EIF2B3: variants seen among roughly 807,000 people sequenced by gnomAD.
EIF2B3 encodes eukaryotic translation initiation factor 2B subunit gamma, also known as translation initiation factor eIF2B subunit gamma.
EIF2B3 carries 20 observed loss-of-function variants against 54.1 expected under a neutral mutation model. That is an observed-to-expected ratio of 0.37 (90% CI 0.26 to 0.54). The LOEUF is 0.54. Ranked by LOEUF, EIF2B3 falls within the 20% of genes least tolerant of loss-of-function variation. The pLI is 0.86. For missense variants in EIF2B3, 448 were observed against 547.8 expected, an observed-to-expected ratio of 0.82 and a Z score of 1.82; for synonymous variants, 153 against 188.1, an observed-to-expected ratio of 0.81 and a Z score of 1.52.
intron 3 of EIF2B3, among the ~76,000 whole-genome samples, chr1:44,947,134 T>C (rs1315467112): frequency 6.6e-6 from 1 of 152,152 alleles, no homozygotes; most frequent in Non-Finnish European, 1.5e-5. Context: ...ATTCCAACAG[T>C]CATTGGTATG....
chr1:44,944,785 C>A (rs1644079160), intron 3 of EIF2B3, among the ~76,000 whole-genome samples: 2 of 152,166 alleles, frequency 1.3e-5, no homozygotes, highest in South Asian at 4.1e-4. Flanking sequence ...GCTACAATTA[C>A]TCCACTGGAT....
chr1:44,937,038 A>G (rs888963388), intron 4 of EIF2B3, among the ~76,000 whole-genome samples: 3 of 152,202 alleles, frequency 2.0e-5, no homozygotes, highest in African/African-American at 4.8e-5. Context: ...GCTCTTAACA[A>G]TCATGGTGCA....
At chr1:44,981,317 T>G in intron 1 of EIF2B3, 140 bp from the exon 2 acceptor site, 2 of 864,118 alleles carry the variant, frequency 2.3e-6, no homozygotes, top group Non-Finnish European at 3.8e-6. Context: ...GCAATCACAG[T>G]AAGAAAAGCT....
chr1:44,858,019 C>T (rs999584277), intron 10 of EIF2B3, among the ~76,000 whole-genome samples: 4 of 150,932 alleles, frequency 2.7e-5, no homozygotes, highest in African/African-American at 7.3e-5. Context: ...ATGCTCATAA[C>T]GATCTTTCTC....
At chr1:44,957,176 A>C (rs1225863002) in intron 3 of EIF2B3, among the ~76,000 whole-genome samples, 2 of 152,122 alleles carry the variant, frequency 1.3e-5, no homozygotes, top group Non-Finnish European at 2.9e-5. Flanking sequence ...TGAGGTAGGA[A>C]GATCACCTGA....
At chr1:44,957,220 C>T (rs1009658002) in intron 3 of EIF2B3, among the ~76,000 whole-genome samples, 50 of 152,108 alleles carry the variant, frequency 3.3e-4, no homozygotes, top group Non-Finnish European at 5.1e-4. Context: ...AAGGCGAGAT[C>T]GTGCCATGGC....
intron 5 of EIF2B3, among the ~76,000 whole-genome samples, chr1:44,902,850 A>AG (rs1354620369): frequency 6.7e-6 from 1 of 150,360 alleles, no homozygotes; most frequent in Non-Finnish European, 1.5e-5. Flanking sequence ...AAAAAAAAAA[A>AG]AAAAAAGAAA....
chr1:44,942,217 C>T (rs1644031476), intron 3 of EIF2B3, among the ~76,000 whole-genome samples: 1 of 150,532 alleles, frequency 6.6e-6, no homozygotes, highest in South Asian at 2.1e-4. Context: ...GACAGAAAGG[C>T]ATTGTTATTA....
At chr1:44,920,191 A>C (rs1467929304) in intron 5 of EIF2B3, among the ~76,000 whole-genome samples, 1 of 151,604 alleles carries the variant, frequency 6.6e-6, no homozygotes, top group Admixed American at 6.6e-5. Flanking sequence ...GTTTATGCTA[A>C]GGTTTTGGTG....
At chr1:44,959,330 C>G in intron 3 of EIF2B3, 1 of 606,920 alleles carries the variant, frequency 1.6e-6, no homozygotes, top group Non-Finnish European at 3.0e-6. Flanking sequence ...TTTGCCTCTC[C>G]TCTCTGAGTG....
At position 44,945,731 on chromosome 1, in the gene EIF2B3, CA is replaced by C. The variant is rs1644094935; in HGVS notation, c.295-4067del. On this transcript the variant is annotated intron_variant, in intron 3 of 11. Coordinates refer to ENST00000360403, the MANE Select transcript of EIF2B3 (RefSeq NM_020365.5). The stretch of plus-strand genomic sequence containing the variant: ...TGCTTAGAAAGACAAGGAGACAAAT[CA>C]TTACTAAAGACATTCACAGAGTTGT... 1.1e-4 allele frequency among the ~76,000 whole-genome samples: 16 copies of C among 152,244 alleles called. No individual in the cohort carries two copies. The South Asian group carries it at 3.3e-3, about 32-fold the overall frequency.
At chr1:44,984,836 G>T in intron 1 of EIF2B3, among the ~76,000 whole-genome samples, 1 of 90,344 alleles carries the variant, frequency 1.1e-5, no homozygotes, top group Admixed American at 1.5e-4. Context: ...GTCTCGCTCT[G>T]TCGCCCAGGC....
intron 3 of EIF2B3, among the ~76,000 whole-genome samples, chr1:44,960,746 G>A (rs561488162): frequency 1.1e-4 from 16 of 152,270 alleles, no homozygotes; most frequent in Non-Finnish European, 2.1e-4. Flanking sequence ...GGGAGAACTT[G>A]TAGGTTATAT....
At chr1:44,899,340 T>C (rs552847419) in intron 5 of EIF2B3, among the ~76,000 whole-genome samples, 1 of 152,322 alleles carries the variant, frequency 6.6e-6, no homozygotes, top group African/African-American at 2.4e-5. Flanking sequence ...CCCCTTTCCA[T>C]CTGATTAAAG....
chr1:44,938,053 C>T (rs1278936401), intron 4 of EIF2B3, among the ~76,000 whole-genome samples: 1 of 151,964 alleles, frequency 6.6e-6, no homozygotes, highest in Admixed American at 6.6e-5. Context: ...CAGAAACATC[C>T]AGAGATTAGC....
At chr1:44,974,826 G>A (rs1644437035) in intron 3 of EIF2B3, among the ~76,000 whole-genome samples, 1 of 152,082 alleles carries the variant, frequency 6.6e-6, no homozygotes, top group Non-Finnish European at 1.5e-5. Context: ...GTATTTCTAT[G>A]TACAAGCAAT....
At chr1:44,975,645 G>C (rs263990) in intron 3 of EIF2B3, among the ~76,000 whole-genome samples, 72,226 of 151,990 alleles carry the variant, frequency 0.48, 17,952 homozygotes, top group African/African-American at 0.62. Context: ...CTATATATAC[G>C]ATGTTCAAGG....
intron 6 of EIF2B3, among the ~76,000 whole-genome samples, chr1:44,886,269 C>CG (rs1655581313): frequency 6.8e-6 from 1 of 147,570 alleles, no homozygotes; most frequent in African/African-American, 2.5e-5. Context: ...TTAGTAGAGA[C>CG]GGGGTTTCAA....
At chr1:44,859,589 C>T (rs539219898) in intron 10 of EIF2B3, among the ~76,000 whole-genome samples, 42 of 150,166 alleles carry the variant, frequency 2.8e-4, no homozygotes, top group African/African-American at 8.1e-4. Flanking sequence ...ACCTGGGAGG[C>T]GGAGGTTGCA....
Sources: allele counts gnomAD v4.1 joint callset (sites outside exome capture counted in the v4.1 genomes callset), GRCh38; gene constraint gnomAD v4.1.1; transcripts MANE v1.5; gene names NCBI Gene and HGNC (gene_info 2026-07-23, HGNC 2026-07-21).